Variants in LRP1B observed in about 807,000 individuals in gnomAD.
LRP1B encodes LDL receptor related protein 1B, also known as low-density lipoprotein receptor-related protein 1B.
Under a neutral mutation model 556.6 loss-of-function variants are expected in LRP1B, and 217 were observed. The observed-to-expected ratio is 0.39, with a 90% CI of 0.35 to 0.44. The LOEUF (loss-of-function observed/expected upper bound fraction) is 0.44, where lower values mean the gene tolerates loss of function less well. Among genes scored for constraint, LRP1B ranks in the 20% least tolerant of loss-of-function variants. The pLI is 1.00. For missense variants in LRP1B, 5,053 were observed against 5,620.8 expected (o/e 0.90, Z 3.23); for synonymous variants, 2,047 against 1,865.8 (o/e 1.10, Z -2.50).
chr2:141,538,164 A>C (rs1418423309), intron 2 of LRP1B, among the ~76,000 whole-genome samples: 1 of 152,140 alleles, frequency 6.6e-6, no homozygotes, highest in Non-Finnish European at 1.5e-5. Flanking sequence ...CAAAAAGTCC[A>C]CACAACCGCC....
At chr2:141,478,291 T>C (rs968449144) in intron 3 of LRP1B, among the ~76,000 whole-genome samples, 1 of 152,180 alleles carries the variant, frequency 6.6e-6, no homozygotes, top group Non-Finnish European at 1.5e-5. Context: ...GATATTCAAA[T>C]GTGTGTAATC....
chr2:140,544,533 C>A (rs757523527), intron 43 of LRP1B, among the ~76,000 whole-genome samples: 1 of 152,056 alleles, frequency 6.6e-6, no homozygotes, highest in African/African-American at 2.4e-5. Flanking sequence ...TCCACGTGTT[C>A]TCATCATTTA....
intron 20 of LRP1B, among the ~76,000 whole-genome samples, chr2:140,927,763 A>G (rs1694930168): frequency 6.8e-6 from 1 of 147,940 alleles, no homozygotes; most frequent in Non-Finnish European, 1.5e-5. Flanking sequence ...CTGGAGTGCA[A>G]TAGTGCAATC....
intron 7 of LRP1B, among the ~76,000 whole-genome samples, chr2:141,166,360 TCTCA>T (rs988501284): frequency 7.1e-5 from 10 of 141,024 alleles, no homozygotes; most frequent in South Asian, 2.3e-4. Flanking sequence ...ACATCTTCTC[TCTCA>T]TTCTTTTTTT....
At chr2:141,563,872 G>A (rs924806553) in intron 2 of LRP1B, among the ~76,000 whole-genome samples, 13 of 151,986 alleles carry the variant, frequency 8.6e-5, no homozygotes, top group Non-Finnish European at 1.6e-4. Flanking sequence ...GGGACTCATG[G>A]AGAGGAGAGG....
intron 2 of LRP1B, among the ~76,000 whole-genome samples, chr2:141,581,568 T>A (rs1444935592): frequency 2.0e-5 from 3 of 152,174 alleles, no homozygotes; most frequent in Non-Finnish European, 4.4e-5. Context: ...AAAATAGCTT[T>A]CCCTAAAACA....
intron 2 of LRP1B, among the ~76,000 whole-genome samples, chr2:141,725,426 C>A (rs531405364): frequency 6.6e-6 from 1 of 151,732 alleles, no homozygotes; most frequent in Non-Finnish European, 1.5e-5. Context: ...CATCAGAGAT[C>A]AAAATGGTAG....
intron 3 of LRP1B, among the ~76,000 whole-genome samples, chr2:141,473,542 C>T (rs1247088430): frequency 1.3e-5 from 2 of 152,080 alleles, no homozygotes; most frequent in Non-Finnish European, 2.9e-5. Context: ...AGTGGAAATC[C>T]TTACACCTGA....
At chr2:141,246,471 G>A (rs543791297) in intron 5 of LRP1B, among the ~76,000 whole-genome samples, 55 of 152,270 alleles carry the variant, frequency 3.6e-4, no homozygotes, top group African/African-American at 1.3e-3. Flanking sequence ...AAGTTATTGG[G>A]AGATTTGAAG....
intron 1 of LRP1B, among the ~76,000 whole-genome samples, chr2:142,015,455 G>T (rs1263815469): frequency 6.6e-6 from 1 of 152,122 alleles, no homozygotes; most frequent in Non-Finnish European, 1.5e-5. Flanking sequence ...TCAGGACATA[G>T]GCATGGGCAA....
In LRP1B at chr2:141,084,320, T is replaced by C. The variant is rs1417581057; in HGVS notation, c.1014-22047A>G. On this transcript the variant is annotated intron_variant, in intron 7 of 90. Transcript: ENST00000389484. ...TAGAGGGTACAGAAGTTTCACCCAG[T>C]GTGCGCATTCCCATTATCTTATGAG... 3.3e-5 allele frequency among the ~76,000 whole-genome samples: 5 copies of C among 152,196 alleles called. No individual in the cohort carries two copies. The East Asian group carries it at 9.6e-4, about 29-fold the overall frequency.
intron 2 of LRP1B, among the ~76,000 whole-genome samples, chr2:141,798,165 A>G (rs2105680765): frequency 6.6e-6 from 1 of 152,334 alleles, no homozygotes; most frequent in South Asian, 2.1e-4. Context: ...TTGGCAAAAA[A>G]CATGTATAAA....
chr2:141,636,830 G>A (rs1689122436), intron 2 of LRP1B, among the ~76,000 whole-genome samples: 1 of 151,806 alleles, frequency 6.6e-6, no homozygotes, highest in Non-Finnish European at 1.5e-5. Context: ...AATGAATAAA[G>A]TACATCACAG....
intron 7 of LRP1B, 135 bp downstream of exon 7, chr2:141,188,284 GAC>G (rs1471200869): frequency 9.9e-6 from 8 of 806,108 alleles, no homozygotes; most frequent in East Asian, 5.4e-5. Flanking sequence ...TCCTTCCTGC[GAC>G]ACAGTTGTTA....
At chr2:140,748,868 CACACAG>C (rs1487122700) in intron 35 of LRP1B, among the ~76,000 whole-genome samples, 4 of 88,180 alleles carry the variant, frequency 4.5e-5, no homozygotes, top group African/African-American at 9.2e-5. Context: ...TACACACACA[CACACAG>C]AGTCATGCAT....
At chr2:140,382,417 G>T (rs2105191618) in intron 67 of LRP1B, among the ~76,000 whole-genome samples, 1 of 152,012 alleles carries the variant, frequency 6.6e-6, no homozygotes, top group East Asian at 1.9e-4. Flanking sequence ...TTTATTTTTT[G>T]TTGATAAAGA....
At chr2:140,550,239 GT>G (rs1451091579) in intron 43 of LRP1B, among the ~76,000 whole-genome samples, 1 of 152,018 alleles carries the variant, frequency 6.6e-6, no homozygotes, top group Admixed American at 6.6e-5. Flanking sequence ...TTCTTCATCT[GT>G]TTTCTTTTCT....
In LRP1B at chr2:140,239,452, T is replaced by G. The variant is rs770816208; in HGVS notation, c.13405A>C (p.Arg4469=). The G allele has an allele frequency of 1.8e-5, 29 of 1,593,086 alleles. No homozygotes were observed. The Admixed American group carries it at 5.0e-4, about 27-fold the overall frequency. ...AACATTGCATCTTACCTTCTTTTTC[T>G]TTTACAAAGCACTAAACCAATTACT... ...TLVIGLVLCK[R]KRRTKTIRRQ... Residue 4469 remains arginine (R), a synonymous_variant, in exon 88 of 91, where the codon AGA becomes CGA. Coordinates refer to ENST00000389484, the MANE Select transcript of LRP1B (RefSeq NM_018557.3).
At chr2:141,119,148 T>C (rs1241224333) in intron 7 of LRP1B, among the ~76,000 whole-genome samples, 1 of 151,882 alleles carries the variant, frequency 6.6e-6, no homozygotes, top group African/African-American at 2.4e-5. Context: ...TAACACAATT[T>C]TGAGATAATA....
Sources: gnomAD v4.1 joint callset for allele counts (sites outside exome capture counted in the v4.1 genomes callset) on GRCh38, gnomAD v4.1.1 for gene constraint, MANE v1.5 for transcripts, NCBI Gene and HGNC (gene_info 2026-07-23, HGNC 2026-07-21) for gene names.